CRTAC1: variants seen among roughly 807,000 people sequenced by gnomAD.
CRTAC1 encodes the protein acidic secreted protein in cartilage.
Under a neutral mutation model 67.8 loss-of-function variants are expected in CRTAC1, and 37 were observed. The ratio of observed to expected loss-of-function variants is 0.55; its 90% CI spans 0.42 to 0.72. The LOEUF (loss-of-function observed/expected upper bound fraction) is 0.72, where lower values mean the gene tolerates loss of function less well. CRTAC1 is among the 30% of genes least tolerant of loss of function. The probability of loss-of-function intolerance (pLI) is 0.00; values close to 1 mark genes in which losing one functional copy is unlikely to be tolerated. For missense variants in CRTAC1, 780 were observed against 931.6 expected (o/e 0.84, Z 2.12); for synonymous variants, 348 against 371.0 (o/e 0.94, Z 0.71).
At chr10:97,887,632 G>T (rs540174800) in intron 11 of CRTAC1, among the ~76,000 whole-genome samples, 114 of 152,366 alleles carry the variant, frequency 7.5e-4, no homozygotes, top group African/African-American at 1.9e-3. Flanking sequence ...GCAGGCCTCA[G>T]AAAGCACAAC....
intron 2 of CRTAC1, among the ~76,000 whole-genome samples, chr10:97,954,699 A>G (rs968696089): frequency 9.2e-5 from 14 of 152,186 alleles, no homozygotes; most frequent in Non-Finnish European, 2.9e-5. Context: ...GCCGTAACAA[A>G]GTGCTGCAAA....
At chr10:98,005,016 T>C (rs867656504) in intron 2 of CRTAC1, among the ~76,000 whole-genome samples, 1 of 147,664 alleles carries the variant, frequency 6.8e-6, no homozygotes, top group Admixed American at 6.8e-5. Flanking sequence ...GATTTTTACC[T>C]TGACCTAGGT....
chr10:97,887,487 C>T (rs2050303326), intron 11 of CRTAC1, among the ~76,000 whole-genome samples: 1 of 152,080 alleles, frequency 6.6e-6, no homozygotes, highest in African/African-American at 2.4e-5. Context: ...AGGTGATCCA[C>T]CCAGCCTCGG....
rs538692071 is a variant in CRTAC1 at position 97,949,715 on chromosome 10, G to T, written c.225-13349C>A. Among the ~76,000 whole-genome samples, 6 of 152,348 alleles carry T rather than the reference G, an allele frequency of 3.9e-5. 1 individual carries two copies. In the South Asian group the frequency reaches 1.2e-3, roughly 32 times the overall value. On this transcript the variant is annotated intron_variant, in intron 2 of 14. Transcript: ENST00000370597. Reference sequence around the variant, plus strand: ...CGGGCAGTCAGACCACCTGAGGGCAGATTTCTGCTCTGCAACTCTTCAGCT... The same window carrying T: ...CGGGCAGTCAGACCACCTGAGGGCATATTTCTGCTCTGCAACTCTTCAGCT...
rs76673247 is a variant in CRTAC1, at chr10:97,979,020, G to T, written c.224+32118C>A. 5.3e-5 allele frequency among the ~76,000 whole-genome samples: 8 copies of T among 152,134 alleles called. No individual in the cohort carries two copies. In the East Asian group the frequency reaches 1.2e-3, roughly 22 times the overall value. The stretch of plus-strand genomic sequence containing the variant: ...GACCTGTGACTGAGTGAGGAGATGG[G>T]GGCAGGGCTGGTCCTCGACTCTGTG... On this transcript the variant is annotated intron_variant, in intron 2 of 14. Coordinates refer to ENST00000370597, the MANE Select transcript of CRTAC1 (RefSeq NM_018058.7).
intron 2 of CRTAC1, among the ~76,000 whole-genome samples, chr10:97,976,295 A>T (rs185120084): frequency 1.3e-5 from 2 of 152,356 alleles, no homozygotes; most frequent in East Asian, 3.9e-4. Context: ...TGCATGTAGA[A>T]GCAAAAGTGT....
chr10:97,942,198 G>C (rs1227603365), intron 2 of CRTAC1, among the ~76,000 whole-genome samples: 1 of 152,152 alleles, frequency 6.6e-6, no homozygotes, highest in African/African-American at 2.4e-5. Context: ...GTCTCTTCCA[G>C]TAAACTATAA....
At chr10:97,868,882 A>G (rs533554552) in intron 14 of CRTAC1, 1 of 152,136 alleles carries the variant, frequency 6.6e-6, no homozygotes, top group Non-Finnish European at 1.5e-5. Context: ...ACGTTTATTT[A>G]GCACTTCCTA....
rs774188198 is a variant in CRTAC1, at chr10:97,904,819, G to A, written c.851-5C>T. Reference sequence around the variant, plus strand: ...GCTGGTGGGGGTCGTCCACACCTGGGGAGGAGAGGCAGGAACTCTCAGGGC... The same window carrying A: ...GCTGGTGGGGGTCGTCCACACCTGGAGAGGAGAGGCAGGAACTCTCAGGGC... On this transcript the variant is annotated splice_polypyrimidine_tract_variant and splice_region_variant and intron_variant, in intron 6 of 14. Coordinates refer to ENST00000370597, the MANE Select transcript of CRTAC1 (RefSeq NM_018058.7). 1.3e-6 allele frequency: 2 copies of A among 1,592,814 alleles called. No homozygotes were observed. The highest frequency in any genetic ancestry group is 2.3e-5 in the South Asian group (2 of 88,076).
At chr10:97,973,258 C>G (rs139108838) in intron 2 of CRTAC1, among the ~76,000 whole-genome samples, 1 of 152,142 alleles carries the variant, frequency 6.6e-6, no homozygotes, top group Admixed American at 6.5e-5. Context: ...AGCCACTGTG[C>G]CCTCTGAGGC....
At chr10:97,881,490 C>A (rs1016475248) in intron 13 of CRTAC1, among the ~76,000 whole-genome samples, 2 of 152,224 alleles carry the variant, frequency 1.3e-5, no homozygotes, top group Admixed American at 6.5e-5. Context: ...CAGGGTCTGT[C>A]TCCCTCCACT....
chr10:97,904,875 C>A, intron 6 of CRTAC1, 61 bp from the exon 7 acceptor site: 1 of 1,498,792 alleles, frequency 6.7e-7, no homozygotes, highest in Non-Finnish European at 8.8e-7. Context: ...CAAACACTCA[C>A]CCTGCTCTAG....
intron 14 of CRTAC1, chr10:97,879,798 T>C: frequency 6.6e-7 from 1 of 1,526,152 alleles, no homozygotes; most frequent in Non-Finnish European, 8.8e-7. Context: ...AAAGGCCACT[T>C]GAGCTGCAAA....
At chr10:97,909,328 G>A (rs948843649) in intron 5 of CRTAC1, among the ~76,000 whole-genome samples, 1 of 152,104 alleles carries the variant, frequency 6.6e-6, no homozygotes. Context: ...TGGAAATACT[G>A]TGCAGAAAAT....
At position 98,030,380 on chromosome 10, in the gene CRTAC1, C is replaced by CG. The variant is rs940753412; in HGVS notation, c.24+68dup. 71 of 1,018,512 alleles carry CG rather than the reference C, an allele frequency of 7.0e-5. No homozygotes were observed. The highest frequency in any genetic ancestry group is 8.3e-5 in the Non-Finnish European group (65 of 779,308). The allele number at this position is 1,018,512 out of a possible 1,614,324, so 63.1% of individuals were successfully genotyped here. On this transcript the variant is annotated intron_variant, in intron 1 of 14. Coordinates refer to ENST00000370597, the MANE Select transcript of CRTAC1 (RefSeq NM_018058.7). This position sits in a 1 kb window ranked among gnomAD's most constrained non-coding sequence, Gnocchi z 4.2. ...TCCCCGCCACCCTTGCGGGCGGATC[C>CG]GGGGGGGCGCGCAGAGCTGGAGAAA...
intron 2 of CRTAC1, among the ~76,000 whole-genome samples, chr10:97,941,735 G>A (rs2051180714): frequency 6.6e-6 from 1 of 152,088 alleles, no homozygotes; most frequent in South Asian, 2.1e-4. Flanking sequence ...CCATCTCTGG[G>A]CAGACACCCT....
At chr10:97,989,620 T>C (rs1170779125) in intron 2 of CRTAC1, among the ~76,000 whole-genome samples, 2 of 152,278 alleles carry the variant, frequency 1.3e-5, no homozygotes, top group African/African-American at 2.4e-5. Flanking sequence ...GGTTCACCTT[T>C]GGCCAAAATG....
At chr10:98,015,118 A>G (rs2136698673) in intron 1 of CRTAC1, among the ~76,000 whole-genome samples, 1 of 152,382 alleles carries the variant, frequency 6.6e-6, no homozygotes, top group East Asian at 1.9e-4. Context: ...TTCAGCTTTA[A>G]AAATGAAGGA....
chr10:98,004,172 T>C (rs1254535345), intron 2 of CRTAC1, among the ~76,000 whole-genome samples: 1 of 152,224 alleles, frequency 6.6e-6, no homozygotes, highest in Non-Finnish European at 1.5e-5. Flanking sequence ...TCTTCCATGA[T>C]ACCAACAACA....
Sources: allele counts gnomAD v4.1 joint callset (sites outside exome capture counted in the v4.1 genomes callset), GRCh38; gene constraint gnomAD v4.1.1; non-coding constraint Gnocchi (gnomAD v3.1); transcripts MANE v1.5; gene names NCBI Gene and HGNC (gene_info 2026-07-23, HGNC 2026-07-21).